The following CYYR1 variants were observed in gnomAD, a reference collection of about 807,000 sequenced individuals.
CYYR1 encodes cysteine and tyrosine rich 1.
Under a neutral mutation model 15.2 loss-of-function variants are expected in CYYR1, and 14 were observed. The ratio of observed to expected loss-of-function variants is 0.92; its 90% CI spans 0.61 to 1.44. CYYR1 has a LOEUF of 1.44. CYYR1 is among the 40% of genes most tolerant of loss of function. The pLI is 0.00. For synonymous variants in CYYR1, 80 were observed against 77.4 expected (o/e 1.03, Z -0.18); for missense variants, 228 against 209.5 (o/e 1.09, Z -0.54).
chr21:26,566,070 T>C (rs1019628995), intron 2 of CYYR1, among the ~76,000 whole-genome samples, 196 bp downstream of exon 2: 7 of 152,244 alleles, frequency 4.6e-5, no homozygotes, highest in Admixed American at 4.6e-4. Flanking sequence ...TTATTTTGTA[T>C]ATTATTTTGC....
intron 2 of CYYR1, among the ~76,000 whole-genome samples, chr21:26,521,227 ATAAAG>A (rs2065800537): frequency 6.6e-6 from 1 of 152,234 alleles, no homozygotes; most frequent in Non-Finnish European, 1.5e-5. Flanking sequence ...TTAAAAGAGA[ATAAAG>A]TAGGGAGATG....
chr21:26,545,924 G>T (rs920375474), intron 2 of CYYR1, among the ~76,000 whole-genome samples: 3 of 152,184 alleles, frequency 2.0e-5, no homozygotes, highest in Non-Finnish European at 4.4e-5. Context: ...AGATTAAACA[G>T]ATAATTAAGC....
At position 26,556,739 on chromosome 21, in the gene CYYR1, C is replaced by T. The variant is rs148656537; in HGVS notation, c.176+9527G>A. On this transcript the variant is annotated intron_variant, in intron 2 of 3. Coordinates refer to ENST00000652641, the MANE Select transcript of CYYR1 (RefSeq NM_001320768.2). ...AAGAACAGCAAGGGAGAAATCCACG[C>T]CCATGATCCATTCACCTTCCACCAG... Among the ~76,000 whole-genome samples, 990 of 152,198 alleles carry T rather than the reference C, an allele frequency of 6.5e-3. 10 individuals are homozygous for T. Among genetic ancestry groups the T allele is most frequent in the African/African-American group, 0.023 (938 of 41,538 alleles).
intron 3 of CYYR1, among the ~76,000 whole-genome samples, chr21:26,469,339 G>C (rs1202805043): frequency 6.6e-6 from 1 of 151,998 alleles, no homozygotes; most frequent in Non-Finnish European, 1.5e-5. Flanking sequence ...AACCATTACA[G>C]AAATATGAAG....
At chr21:26,492,586 C>T (rs544315012) in intron 2 of CYYR1, among the ~76,000 whole-genome samples, 5 of 152,244 alleles carry the variant, frequency 3.3e-5, no homozygotes, top group African/African-American at 1.2e-4. Context: ...GCCCCCAAAT[C>T]TCAGTTCCAT....
intron 2 of CYYR1, chr21:26,550,261 G>A (rs770247386): frequency 6.6e-6 from 1 of 152,096 alleles, no homozygotes; most frequent in Non-Finnish European, 1.5e-5. Flanking sequence ...GATAAATGTT[G>A]TGTGTGTTCT....
At chr21:26,564,848 G>GAA (rs761229494) in intron 2 of CYYR1, 7 of 1,145,482 alleles carry the variant, frequency 6.1e-6, no homozygotes, top group Admixed American at 5.5e-5. Flanking sequence ...GACAGTTTGA[G>GAA]AAAAAAAAAA....
intron 2 of CYYR1, among the ~76,000 whole-genome samples, chr21:26,491,738 C>T (rs1478105): frequency 0.16 from 24,294 of 152,184 alleles, 2,041 homozygotes; most frequent in South Asian, 0.19. Context: ...AATGAGTCCA[C>T]GTGCCTAACC....
intron 2 of CYYR1, among the ~76,000 whole-genome samples, chr21:26,558,447 G>A (rs1199772640): frequency 6.6e-6 from 1 of 152,128 alleles, no homozygotes; most frequent in African/African-American, 2.4e-5. Flanking sequence ...AGCCTCCCGT[G>A]TAGCTGTGAA....
intron 2 of CYYR1, among the ~76,000 whole-genome samples, chr21:26,491,560 T>C (rs2065328938): frequency 6.6e-6 from 1 of 152,162 alleles, no homozygotes. Flanking sequence ...GTCAATGACC[T>C]GGCAGAACAG....
intron 2 of CYYR1, among the ~76,000 whole-genome samples, chr21:26,538,306 G>A (rs762731457): frequency 1.1e-4 from 16 of 152,182 alleles, no homozygotes; most frequent in Middle Eastern, 6.8e-3. Flanking sequence ...TGAGTTTTTC[G>A]TCTACTTTCT....
rs562273309 is a variant in CYYR1, at chr21:26,511,707, A to G, written c.177-31278T>C. On this transcript the variant is annotated intron_variant, in intron 2 of 3. Coordinates refer to ENST00000652641, the MANE Select transcript of CYYR1 (RefSeq NM_001320768.2). ...TTTGTTTTATTTCTTGAAAATTTAT[A>G]CTACTGCCTCCACTCAAGGGTTTGA... Among the ~76,000 whole-genome samples the G allele has an allele frequency of 3.9e-5, 6 of 152,306 alleles. No individual in the cohort carries two copies. The East Asian group carries it at 1.2e-3, about 29-fold the overall frequency.
At chr21:26,524,605 C>T (rs544870703) in intron 2 of CYYR1, among the ~76,000 whole-genome samples, 2 of 132,872 alleles carry the variant, frequency 1.5e-5, no homozygotes, top group South Asian at 2.7e-4. Context: ...CATGCTTGGT[C>T]ATCAACCTGG....
chr21:26,545,000 G>T (rs1217528601), intron 2 of CYYR1, among the ~76,000 whole-genome samples: 1 of 151,734 alleles, frequency 6.6e-6, no homozygotes, highest in Non-Finnish European at 1.5e-5. Flanking sequence ...AGTATAAAAT[G>T]ACATGTAAAG....
intron 3 of CYYR1, among the ~76,000 whole-genome samples, chr21:26,479,141 G>A (rs1487755133): frequency 1.3e-5 from 2 of 152,086 alleles, no homozygotes; most frequent in Non-Finnish European, 2.9e-5. Flanking sequence ...TACAGGCAAA[G>A]AAGTAAGTGT....
At chr21:26,471,223 C>G (rs1180250080) in intron 3 of CYYR1, 1 of 152,092 alleles carries the variant, frequency 6.6e-6, no homozygotes, top group Non-Finnish European at 1.5e-5. Flanking sequence ...AGCAGGAAAC[C>G]CATTGATCTG....
At position 26,480,275 on chromosome 21, in the gene CYYR1, G is replaced by C. The variant is rs1215339708; in HGVS notation, c.331C>G (p.Pro111Ala). Residue 111 changes from proline (P) to alanine (A), a missense_variant, in exon 3 of 4, where the codon CCT (proline) becomes GCT (alanine). Pro to Ala is a conservative substitution (Grantham distance 27). Coordinates refer to ENST00000652641, the MANE Select transcript of CYYR1 (RefSeq NM_001320768.2). ...TTHINTVSSY[P>A]AGPPPYGHDH... Reference sequence around the variant, plus strand: ...GAGAGTCAACAGTTTTGCTCACCAGGATAGGAGGAGACGGTGTTGATGTGA... The same window carrying C: ...GAGAGTCAACAGTTTTGCTCACCAGCATAGGAGGAGACGGTGTTGATGTGA... 2 of 1,609,690 alleles carry C rather than the reference G, an allele frequency of 1.2e-6. No individual in the cohort carries two copies. Among genetic ancestry groups the C allele is most frequent in the African/African-American group, 2.7e-5 (2 of 74,734 alleles).
chr21:26,471,156 A>G (rs2065028578), intron 3 of CYYR1: 1 of 152,120 alleles, frequency 6.6e-6, no homozygotes, highest in Non-Finnish European at 1.5e-5. Flanking sequence ...CACTGAGACA[A>G]AGAGATTTAT....
chr21:26,478,284 A>T lies in CYYR1; in HGVS notation c.334+1988T>A, dbSNP rs2065128619. Reference sequence around the variant, plus strand: ...CAGAAGGGACACATTACAATCTTAAATAGGGTGTATTAAATCAGGGCAGAC... The same window carrying T: ...CAGAAGGGACACATTACAATCTTAATTAGGGTGTATTAAATCAGGGCAGAC... On this transcript the variant is annotated intron_variant, in intron 3 of 3. Transcript: ENST00000652641. 3 of 1,074,504 alleles carry T rather than the reference A, an allele frequency of 2.8e-6. No individual in the cohort carries two copies. In the Admixed American group the frequency reaches 7.9e-5, roughly 28 times the overall value. The allele number at this position is 1,074,504 out of a possible 1,614,324, so 66.6% of individuals were successfully genotyped here.
Sources: gnomAD v4.1 joint callset for allele counts (sites outside exome capture counted in the v4.1 genomes callset) on GRCh38, gnomAD v4.1.1 for gene constraint, MANE v1.5 for transcripts, NCBI Gene and HGNC (gene_info 2026-07-23, HGNC 2026-07-21) for gene names.